Variants in RECQL5 observed in about 807,000 individuals in gnomAD.
RECQL5 encodes ATP-dependent DNA helicase Q5.
In RECQL5, 88 loss-of-function variants were observed where a neutral mutation model predicts 103.4. That is an observed-to-expected ratio of 0.85 (90% CI 0.72 to 1.02). The LOEUF is 1.02. RECQL5 is among the 50% of genes least tolerant of loss of function. The pLI is 0.00. For synonymous variants in RECQL5, 552 were observed against 507.9 expected, an observed-to-expected ratio of 1.09 and a Z score of -1.17; for missense variants, 1,232 against 1,284.3, an observed-to-expected ratio of 0.96 and a Z score of 0.62.
rs2059160599 is a variant in RECQL5 at position 75,629,215 on chromosome 17, A to C, written c.2208T>G (p.Ser736=). ...GGCCCTTGGCAAGGGAGCTGCCCCC[A>C]GAGGAACTTTTTGCCTTCTTCTCAG... The part of the protein sequence containing the change: ...PSPEKKAKSS[S]GGSSLAKGRA... Residue 736 remains serine, a synonymous_variant, in exon 16 of 20, where the codon TCT becomes TCG. Coordinates refer to ENST00000317905, the MANE Select transcript of RECQL5 (RefSeq NM_004259.7). 1.2e-6 allele frequency: 2 copies of C among 1,613,116 alleles called. No homozygotes were observed. Among genetic ancestry groups the C allele is most frequent in the Non-Finnish European group, 1.7e-6 (2 of 1,179,904 alleles).
In RECQL5 at chr17:75,659,056, CTTGT is replaced by C. The variant is rs1217561683; in HGVS notation, c.987-600_987-597del. Among the ~76,000 whole-genome samples, 4 of 151,832 alleles carry C rather than the reference CTTGT, an allele frequency of 2.6e-5. No individual in the cohort carries two copies. In the East Asian group the frequency reaches 5.8e-4, roughly 22 times the overall value. On this transcript the variant is annotated intron_variant, in intron 6 of 19. Coordinates refer to ENST00000317905, the MANE Select transcript of RECQL5 (RefSeq NM_004259.7). ...CCCAGGATTCATTTTATTTATTTTG[CTTGT>C]TTTTTATTTTATTTTATTTTTAGAT...
In RECQL5 at chr17:75,628,769, G is replaced by A. The variant is rs368304900; in HGVS notation, c.2490-7C>T. ...GTCTCTGGGCGGGCAGGTGCTGGTA[G>A]AGGGAAGAGCAGGCATCACAGCACT... On this transcript the variant is annotated splice_polypyrimidine_tract_variant and splice_region_variant and intron_variant, in intron 16 of 19. Coordinates refer to ENST00000317905, the MANE Select transcript of RECQL5 (RefSeq NM_004259.7). 302 of 1,599,944 alleles carry A rather than the reference G, an allele frequency of 1.9e-4. No individual in the cohort carries two copies. The highest frequency in any genetic ancestry group is 1.5e-3 in the Middle Eastern group (9 of 6,000).
In RECQL5 at chr17:75,630,479, T is replaced by A. The variant is rs375773622; in HGVS notation, c.1718+140A>T. 1,208 of 993,950 alleles carry A rather than the reference T, an allele frequency of 1.2e-3. 27 individuals are homozygous for A. In the South Asian group the frequency reaches 0.017, roughly 14 times the overall value. 61.6% of individuals were successfully genotyped at this position (993,950 alleles called of 1,614,324 possible). A position where few individuals can be genotyped will look rare whatever the true frequency, so the allele number is the denominator to read the frequency against. On this transcript the variant is annotated intron_variant, in intron 13 of 19. Coordinates refer to ENST00000317905, the MANE Select transcript of RECQL5 (RefSeq NM_004259.7). ...GTAGCCATGCCTGGCCCTGGTGGGG[T>A]TGTAGGGGCAGTCCCCTGGAGTAGG...
chr17:75,633,906 G>A, intron 8 of RECQL5: 1 of 989,444 alleles, frequency 1.0e-6, no homozygotes, highest in Non-Finnish European at 1.2e-6. Context: ...GAGGGAGCTT[G>A]TCTTGTCCCT....
intron 13 of RECQL5, 165 bp downstream of exon 13, chr17:75,630,454 G>A: frequency 1.1e-6 from 1 of 889,400 alleles, no homozygotes; most frequent in Non-Finnish European, 1.7e-6. Context: ...CACCTAAGTT[G>A]TAGCCATGCC....
intron 7 of RECQL5, among the ~76,000 whole-genome samples, chr17:75,653,049 C>G (rs957289519): frequency 2.6e-5 from 4 of 152,236 alleles, no homozygotes; most frequent in African/African-American, 9.6e-5. Flanking sequence ...GCAGGCAGAG[C>G]CCCATCTTTG....
intron 8 of RECQL5, chr17:75,647,566 C>T: frequency 1.3e-6 from 2 of 1,549,922 alleles, no homozygotes; most frequent in East Asian, 4.9e-5. Context: ...AGAGGAGTGA[C>T]CTGACTTGCT....
intron 8 of RECQL5, chr17:75,637,429 T>C (rs752921628): frequency 3.3e-5 from 5 of 152,258 alleles, no homozygotes; most frequent in Non-Finnish European, 5.9e-5. Context: ...ACTGTCGGCA[T>C]TGTCGTCCCT....
Position 75,640,065 on chromosome 17 carries a change from T to C in RECQL5, c.1230-8397A>G. The C allele has an allele frequency of 7.7e-7, 1 of 1,290,508 alleles. No homozygotes were observed. Among genetic ancestry groups the C allele is most frequent in the Non-Finnish European group, 1.0e-6 (1 of 971,264 alleles). The allele number at this position is 1,290,508 out of a possible 1,614,324, so 79.9% of individuals were successfully genotyped here. A position where few individuals can be genotyped will look rare whatever the true frequency, so the allele number is the denominator to read the frequency against. ...GTGCAATGTGTGAGACCTGACAAAC[T>C]TGTTCTGCGGGCTGCGGATGGGTGC... On this transcript the variant is annotated intron_variant, in intron 8 of 19. Coordinates refer to ENST00000317905, the MANE Select transcript of RECQL5 (RefSeq NM_004259.7). This position sits in a 1 kb window ranked among gnomAD's most constrained non-coding sequence, Gnocchi z 4.6.
At chr17:75,647,391 A>G (rs2059501699) in intron 8 of RECQL5, 3 of 1,549,400 alleles carry the variant, frequency 1.9e-6, no homozygotes, top group Non-Finnish European at 2.6e-6. Context: ...ACCAACTGGT[A>G]TTCAAAGAGA....
intron 7 of RECQL5, among the ~76,000 whole-genome samples, chr17:75,651,856 TAACA>T (rs2059560060): frequency 6.6e-6 from 1 of 152,176 alleles, no homozygotes; most frequent in Non-Finnish European, 1.5e-5. Flanking sequence ...GTTGTGAACT[TAACA>T]AATATGAACA....
chr17:75,629,949 G>T, intron 14 of RECQL5, 107 bp from the exon 15 acceptor site: 1 of 1,418,564 alleles, frequency 7.0e-7, no homozygotes, highest in Non-Finnish European at 9.4e-7. Flanking sequence ...TCTGTGGCCA[G>T]TGGCCACAGG....
At chr17:75,642,027 G>A (rs1206282236) in intron 8 of RECQL5, among the ~76,000 whole-genome samples, 5 of 152,180 alleles carry the variant, frequency 3.3e-5, no homozygotes, top group Admixed American at 3.3e-4. Context: ...CCATCACCAT[G>A]ACCCGTTATT....
At chr17:75,639,025 C>G (rs538213708) in intron 8 of RECQL5, 1 of 152,520 alleles carries the variant, frequency 6.6e-6, no homozygotes, top group African/African-American at 2.4e-5. Context: ...TCCTCACCAT[C>G]CTGGGTGCTC....
chr17:75,641,056 A>G (rs2059427648), intron 8 of RECQL5: 1 of 1,318,262 alleles, frequency 7.6e-7, no homozygotes. Flanking sequence ...CTTGAGCCCT[A>G]CCAAGGAAAC....
intron 6 of RECQL5, 78 bp from the exon 7 acceptor site, chr17:75,658,538 A>G (rs2059657212): frequency 4.3e-6 from 6 of 1,393,706 alleles, no homozygotes; most frequent in Non-Finnish European, 6.0e-6. Flanking sequence ...CATGACTAGG[A>G]GAGCAGGGAG....
rs2059691710 is a variant in RECQL5 at position 75,661,024 on chromosome 17, AT to A, written c.916del (p.Met306TrpfsTer7). 6.2e-7 allele frequency: 1 copy of A among 1,614,058 alleles called. No individual in the cohort carries two copies. Among genetic ancestry groups the A allele is most frequent in the African/African-American group, 1.3e-5 (1 of 74,902 alleles). ...AACAATTACAGGGACCTTCTCCTCC[AT>A]CCAGTCGTTCTGCACCAGCGTTCTT... ...SERTLVQNDW[M>X]EEKVPVIVAT... On this transcript the variant is annotated frameshift_variant, in exon 6 of 20. Transcript: ENST00000317905. LOFTEE classifies it high-confidence loss of function.
At chr17:75,652,730 G>A (rs1658521913) in intron 7 of RECQL5, among the ~76,000 whole-genome samples, 1 of 152,192 alleles carries the variant, frequency 6.6e-6, no homozygotes, top group South Asian at 2.1e-4. Flanking sequence ...TAAAGCTGGG[G>A]GAAGGAGATG....
In RECQL5 at chr17:75,629,731, G is replaced by A; in HGVS notation, c.1924C>T (p.Pro642Ser). The A allele has an allele frequency of 6.2e-7, 1 of 1,612,464 alleles. No homozygotes were observed. Among genetic ancestry groups the A allele is most frequent in the South Asian group, 1.1e-5 (1 of 90,996 alleles). Residue 642 changes from proline (P) to serine (S), a missense_variant, in exon 15 of 20, where the codon CCA (proline) becomes TCA (serine). Physicochemically the swap from Pro to Ser is moderately conservative, Grantham distance 74. Transcript: ENST00000317905. ...ACCGAGTACACATGGGAGGCTGGTG[G>A]AATGTCATACTCATTGGGCTCCGGG... The part of the protein sequence containing the change: ...EPPEPNEYDI[P>S]PASHVYSLKP...
Sources: gnomAD v4.1 joint callset for allele counts (sites outside exome capture counted in the v4.1 genomes callset) on GRCh38, gnomAD v4.1.1 for gene constraint, Gnocchi (gnomAD v3.1) non-coding constraint, MANE v1.5 for transcripts, NCBI Gene and HGNC (gene_info 2026-07-23, HGNC 2026-07-21) for gene names.